Variants in TM9SF2 observed in about 807,000 individuals in gnomAD.
TM9SF2 encodes the protein transmembrane 9 superfamily member 2.
TM9SF2 carries 13 observed loss-of-function variants against 84.9 expected under a neutral mutation model. The ratio of observed to expected loss-of-function variants is 0.15; its 90% CI spans 0.10 to 0.24. The LOEUF (loss-of-function observed/expected upper bound fraction) is 0.24. Among genes scored for constraint, TM9SF2 ranks in the 10% least tolerant of loss-of-function variants. The pLI is 1.00. For missense variants in TM9SF2, 562 were observed against 818.5 expected (o/e 0.69, Z 3.82); for synonymous variants, 273 against 285.8 (o/e 0.96, Z 0.45).
At chr13:99,548,081 A>G (rs998109433) in intron 11 of TM9SF2, among the ~76,000 whole-genome samples, 5 of 152,192 alleles carry the variant, frequency 3.3e-5, no homozygotes, top group Non-Finnish European at 5.9e-5. Flanking sequence ...CATACAAAAT[A>G]CAGTCAGCCC....
At chr13:99,539,698 A>G in intron 7 of TM9SF2, 141 bp downstream of exon 7, 1 of 625,480 alleles carries the variant, frequency 1.6e-6, no homozygotes, top group Non-Finnish European at 2.9e-6. Flanking sequence ...TTGTCGGTGT[A>G]CCAAGCAACA....
chr13:99,533,621 T>C (rs976658399), intron 4 of TM9SF2, among the ~76,000 whole-genome samples: 1 of 152,228 alleles, frequency 6.6e-6, no homozygotes, highest in African/African-American at 2.4e-5. Flanking sequence ...CAGTTAATAA[T>C]AGTTTCTTAT....
intron 2 of TM9SF2, among the ~76,000 whole-genome samples, chr13:99,519,161 T>C (rs1016049787): frequency 3.3e-5 from 5 of 152,206 alleles, no homozygotes; most frequent in Non-Finnish European, 7.3e-5. Flanking sequence ...AGACTATAAT[T>C]CATCTAATTA....
intron 4 of TM9SF2, among the ~76,000 whole-genome samples, chr13:99,530,254 C>A (rs1424118274): frequency 1.3e-5 from 2 of 152,138 alleles, no homozygotes; most frequent in African/African-American, 4.8e-5. Context: ...GAAACCCCAT[C>A]TCTACTAAAA....
intron 10 of TM9SF2, among the ~76,000 whole-genome samples, chr13:99,544,982 T>G (rs2046276886): frequency 6.6e-6 from 1 of 152,156 alleles, no homozygotes; most frequent in Non-Finnish European, 1.5e-5. Flanking sequence ...TTTCCTTAAT[T>G]GGAAGATAAA....
chr13:99,527,894 G>A (rs1489144819), intron 3 of TM9SF2, among the ~76,000 whole-genome samples: 2 of 152,172 alleles, frequency 1.3e-5, no homozygotes, highest in Admixed American at 1.3e-4. Flanking sequence ...TGAAGCTGAG[G>A]CAGGGTTACG....
chr13:99,553,675 G>A (rs1249723715), intron 13 of TM9SF2, among the ~76,000 whole-genome samples: 1 of 152,134 alleles, frequency 6.6e-6, no homozygotes, highest in Non-Finnish European at 1.5e-5. Context: ...TTCTTACAAG[G>A]AAATGACTTT....
chr13:99,515,803 G>A (rs369282703), intron 1 of TM9SF2, among the ~76,000 whole-genome samples: 4 of 150,094 alleles, frequency 2.7e-5, no homozygotes, highest in Non-Finnish European at 5.9e-5. Flanking sequence ...TGTGATCTTG[G>A]CTCACTGCAA....
At chr13:99,535,546 G>A (rs1463226502) in intron 4 of TM9SF2, among the ~76,000 whole-genome samples, 2 of 152,112 alleles carry the variant, frequency 1.3e-5, no homozygotes, top group African/African-American at 4.8e-5. Context: ...CCACTAGCCT[G>A]CTGATTATAA....
At chr13:99,509,753 C>T (rs528418673) in intron 1 of TM9SF2, among the ~76,000 whole-genome samples, 1 of 152,316 alleles carries the variant, frequency 6.6e-6, no homozygotes, top group East Asian at 1.9e-4. Context: ...GAAGCCTTTT[C>T]CCCGTAGTCT....
rs1352576026 is a variant in TM9SF2, at chr13:99,540,714, G to C, written c.829G>C (p.Glu277Gln). 1.2e-6 allele frequency: 2 copies of C among 1,613,206 alleles called. No individual in the cohort carries two copies. The highest frequency in any genetic ancestry group is 1.7e-6 in the Non-Finnish European group (2 of 1,179,572). Residue 277 changes from glutamate to glutamine, a missense_variant and splice_region_variant, in exon 8 of 17, where the codon GAA becomes CAA. This residue lies in a region of TM9SF2 where 219 missense variants were observed against 338.1 expected (regional missense o/e 0.65). Transcript: ENST00000376387. ...IAYTYSVSFE[E>Q]DDKIRWASRW... ...AAAGAGATTTTTTAATCTCCTCTAG[G>C]AAGATGATAAGATCAGATGGGCGTC... is the stretch of plus-strand genomic sequence containing the variant.
At chr13:99,506,456 C>T (rs1219672398) in intron 1 of TM9SF2, among the ~76,000 whole-genome samples, 1 of 152,166 alleles carries the variant, frequency 6.6e-6, no homozygotes, top group East Asian at 1.9e-4. Context: ...ACTGGAAGGA[C>T]TTACTTTGAC....
intron 4 of TM9SF2, among the ~76,000 whole-genome samples, chr13:99,533,890 C>T (rs1218145970): frequency 2.6e-5 from 4 of 152,134 alleles, no homozygotes; most frequent in African/African-American, 4.8e-5. Context: ...AGGCTGCTCT[C>T]GAACTCCTGA....
At chr13:99,560,244 A>G (rs2046338966) in intron 16 of TM9SF2, among the ~76,000 whole-genome samples, 1 of 152,222 alleles carries the variant, frequency 6.6e-6, no homozygotes. Flanking sequence ...AAGAAAATGC[A>G]GGAGCCAAAA....
chr13:99,524,567 C>G (rs1234529239), intron 3 of TM9SF2, among the ~76,000 whole-genome samples: 1 of 151,800 alleles, frequency 6.6e-6, no homozygotes, highest in Admixed American at 6.6e-5. Context: ...TGGATATACA[C>G]AGTATATATT....
At chr13:99,503,449 C>A (rs1417291625) in intron 1 of TM9SF2, among the ~76,000 whole-genome samples, 1 of 152,154 alleles carries the variant, frequency 6.6e-6, no homozygotes, top group Middle Eastern at 3.2e-3. Flanking sequence ...TGGCTCACGC[C>A]TGTAATCCCA....
chr13:99,524,069 A>G (rs1448144773), intron 3 of TM9SF2, among the ~76,000 whole-genome samples: 1 of 152,178 alleles, frequency 6.6e-6, no homozygotes, highest in Non-Finnish European at 1.5e-5. Flanking sequence ...GGCACAGAGA[A>G]GTAACAGGAC....
intron 12 of TM9SF2, among the ~76,000 whole-genome samples, chr13:99,550,851 A>C (rs1262367534): frequency 3.3e-5 from 5 of 152,248 alleles, no homozygotes; most frequent in African/African-American, 1.2e-4. Flanking sequence ...CATCACTGAT[A>C]ATAAAACACT....
chr13:99,529,559 G>A lies in TM9SF2; in HGVS notation c.426G>A (p.Leu142=), dbSNP rs1291636465. Residue 142 remains leucine (L), a synonymous_variant, in exon 4 of 17, where the codon TTG becomes TTA. Coordinates refer to ENST00000376387, the MANE Select transcript of TM9SF2 (RefSeq NM_004800.3). ...AAGACAAACAAAAGTTAGAATTCTT[G>A]AAAAAAAGCATGTTATTGAATTATC... is the stretch of plus-strand genomic sequence containing the variant. The part of the protein sequence containing the change: ...KAEDKQKLEF[L]KKSMLLNYQH... 3 of 1,583,740 alleles carry A rather than the reference G, an allele frequency of 1.9e-6. No individual in the cohort carries two copies. The highest frequency in any genetic ancestry group is 2.6e-6 in the Non-Finnish European group (3 of 1,169,354).
Sources: gnomAD v4.1 joint callset for allele counts (sites outside exome capture counted in the v4.1 genomes callset) on GRCh38, gnomAD v4.1.1 for gene constraint, gnomAD v4.1.1 regional missense constraint, MANE v1.5 for transcripts, NCBI Gene and HGNC (gene_info 2026-07-23, HGNC 2026-07-21) for gene names.